GRIP2: variants seen among roughly 807,000 people sequenced by gnomAD.
GRIP2 encodes the protein glutamate receptor interacting protein 2.
Under a neutral mutation model 108.3 loss-of-function variants are expected in GRIP2, and 58 were observed. The observed-to-expected ratio is 0.54, with a 90% confidence interval of 0.43 to 0.67. The LOEUF is 0.67. GRIP2 is among the 30% of genes least tolerant of loss of function. The probability of loss-of-function intolerance (pLI) is 0.00; values close to 1 mark genes in which losing one functional copy is unlikely to be tolerated. For missense variants in GRIP2, 1,278 were observed against 1,430.6 expected (o/e 0.89, Z 1.72); for synonymous variants, 586 against 598.2 (o/e 0.98, Z 0.30).
Position 14,520,547 on chromosome 3 carries a change from C to T in GRIP2, c.713-10G>A, listed in dbSNP as rs117481261. The stretch of plus-strand genomic sequence containing the variant: ...GCATTAGCCACCGTGTCTGGCATGA[C>T]GGAGAAAAAAAGTTTGAAATGCAAA... On this transcript the variant is annotated splice_polypyrimidine_tract_variant and intron_variant, in intron 7 of 23. Transcript: ENST00000621039. 58 of 1,613,352 alleles carry T rather than the reference C, an allele frequency of 3.6e-5. No homozygotes were observed. The highest frequency in any genetic ancestry group is 1.2e-4 in the South Asian group (11 of 91,062).
At position 14,503,759 on chromosome 3, in the gene GRIP2, G is replaced by A. The variant is rs577874807; in HGVS notation, c.2574-88C>T. ...GGAGTCTTCGGGGCCCCAGGGCCCA[G>A]CGTTGGGCTCGAGGGGCCATAGGGT... On this transcript the variant is annotated intron_variant, in intron 20 of 23. Coordinates refer to ENST00000621039, the MANE Select transcript of GRIP2 (RefSeq NM_001080423.4). The A allele has an allele frequency of 5.2e-4, 284 of 551,192 alleles. 1 individual carries two copies. The highest frequency in any genetic ancestry group is 5.1e-3 in the African/African-American group (258 of 50,550). 34.1% of individuals were successfully genotyped at this position (551,192 alleles called of 1,614,324 possible).
At chr3:14,551,236 G>A (rs1240796359) in intron 1 of GRIP2, among the ~76,000 whole-genome samples, 2 of 152,196 alleles carry the variant, frequency 1.3e-5, no homozygotes, top group Admixed American at 6.5e-5. Context: ...ACAACGATCT[G>A]GACAATTAAG....
At chr3:14,581,120 G>T in the GRIP2 span, among the ~76,000 whole-genome samples, 1 of 152,216 alleles carries the variant, frequency 6.6e-6, no homozygotes, top group Admixed American at 6.5e-5. Context: ...GGGCGGATGG[G>T]TGGATGGGTG....
At position 14,493,385 on chromosome 3, in the gene GRIP2, G is replaced by A. The variant is rs1387683434; in HGVS notation, c.*280C>T. The A allele has an allele frequency of 2.3e-6, 1 of 427,006 alleles. No individual in the cohort carries two copies. The highest frequency in any genetic ancestry group is 4.1e-5 in the Admixed American group (1 of 24,364). The allele number at this position is 427,006 out of a possible 1,614,324, so 26.5% of individuals were successfully genotyped here. A position where few individuals can be genotyped will look rare whatever the true frequency, so the allele number is the denominator to read the frequency against. ...CCCAGGCCTCTCTCCTCTCGGCTGAGCAGCCTGTGCCAACCCTTCTTAAGG... is the reference window on the plus strand; with the variant it reads ...CCCAGGCCTCTCTCCTCTCGGCTGAACAGCCTGTGCCAACCCTTCTTAAGG... On this transcript the variant is annotated 3_prime_UTR_variant, in exon 24 of 24. Coordinates refer to ENST00000621039, the MANE Select transcript of GRIP2 (RefSeq NM_001080423.4).
At chr3:14,569,325 G>A in the GRIP2 span, among the ~76,000 whole-genome samples, 4 of 152,226 alleles carry the variant, frequency 2.6e-5, no homozygotes, top group Non-Finnish European at 4.4e-5. Flanking sequence ...AAAGCTTCTG[G>A]TCCAAACTAC....
the GRIP2 span, among the ~76,000 whole-genome samples, chr3:14,584,855 C>T: frequency 1.3e-5 from 2 of 152,336 alleles, no homozygotes; most frequent in East Asian, 1.9e-4. Flanking sequence ...CTCACTGCCT[C>T]GCTGCCTCTG....
chr3:14,553,363 G>A (rs1357515890), intron 1 of GRIP2, among the ~76,000 whole-genome samples: 4 of 151,988 alleles, frequency 2.6e-5, no homozygotes, highest in East Asian at 1.9e-4. Flanking sequence ...CGCCCACCTC[G>A]GTCTCCCAAA....
rs1249668834 is a variant in GRIP2, at chr3:14,494,898, C to T, written c.2915G>A (p.Arg972His). 11 of 1,613,870 alleles carry T rather than the reference C, an allele frequency of 6.8e-6. No individual in the cohort carries two copies. The highest frequency in any genetic ancestry group is 4.0e-5 in the African/African-American group (3 of 75,036). Reference sequence around the variant, plus strand: ...TCCACGGTGGGCTGGCCCATCAGGGCGCACAGTGTGGACATAGACACCTTT... The same window carrying T: ...TCCACGGTGGGCTGGCCCATCAGGGTGCACAGTGTGGACATAGACACCTTT... ...LEKGVYVHTV[R>H]PDGPAHRGGL... The change falls in exon 23 of 24, where the codon CGC becomes CAC. Residue 972 changes from arginine (R) to histidine (H), a missense_variant. Coordinates refer to ENST00000621039, the MANE Select transcript of GRIP2 (RefSeq NM_001080423.4).
the GRIP2 span, among the ~76,000 whole-genome samples, chr3:14,595,859 T>C: frequency 2.0e-5 from 3 of 152,208 alleles, no homozygotes; most frequent in Non-Finnish European, 4.4e-5. Flanking sequence ...CTCGCAAAGG[T>C]TGCTTCCTCC....
intron 21 of GRIP2, among the ~76,000 whole-genome samples, chr3:14,500,898 G>A (rs1178342657): frequency 6.6e-6 from 1 of 152,166 alleles, no homozygotes; most frequent in Non-Finnish European, 1.5e-5. Context: ...AGTTTGGAGA[G>A]AAGTGAAAGA....
chr3:14,494,513 C>T (rs926535774), intron 23 of GRIP2, among the ~76,000 whole-genome samples: 3 of 152,210 alleles, frequency 2.0e-5, no homozygotes, highest in African/African-American at 4.8e-5. Flanking sequence ...AAAAAATCCA[C>T]GTGTGACTTT....
chr3:14,564,917 C>G, the GRIP2 span, among the ~76,000 whole-genome samples: 1 of 152,160 alleles, frequency 6.6e-6, no homozygotes, highest in South Asian at 2.1e-4. Flanking sequence ...CCCTGCTATT[C>G]TAAACACAGA....
Position 14,525,872 on chromosome 3 carries a change from A to ACGCCAGGGAAACGT in GRIP2, c.86_99dup (p.Cys34ThrfsTer23), listed in dbSNP as rs1387594856. 1 of 1,559,744 alleles carries ACGCCAGGGAAACGT rather than the reference A, an allele frequency of 6.4e-7. No homozygotes were observed. The highest frequency in any genetic ancestry group is 8.7e-7 in the Non-Finnish European group (1 of 1,151,768). Reference sequence around the variant, plus strand: ...TTACCTGGAATGCTCTGTCTGCGGCACGCCAGGGAAACGTCGGCCCCTCCT... The same window carrying ACGCCAGGGAAACGT: ...TTACCTGGAATGCTCTGTCTGCGGCACGCCAGGGAAACGTCGCCAGGGAAACGTCGGCCCCTCCT... On this transcript the variant is annotated frameshift_variant, in exon 2 of 24. Coordinates refer to ENST00000621039, the MANE Select transcript of GRIP2 (RefSeq NM_001080423.4). LOFTEE classifies it high-confidence loss of function.
chr3:14,574,214 G>C, the GRIP2 span: 2 of 867,532 alleles, frequency 2.3e-6, no homozygotes. Flanking sequence ...AGGGCCTGTG[G>C]CTGTCCATGT....
Position 14,494,852 on chromosome 3 carries a change from C to T in GRIP2, c.2961G>A (p.Arg987=). ...CCTGCCCCAGCATTACCTGCAGGAC[C>T]CTGTCGAAGGGCTGGAGGCCTCCAC... The part of the protein sequence containing the change: ...AHRGGLQPFD[R]VLQVNHVRTR... Residue 987 remains arginine (R), a synonymous_variant, in exon 23 of 24, where the codon AGG becomes AGA. Transcript: ENST00000621039. 6.2e-7 allele frequency: 1 copy of T among 1,612,926 alleles called. No homozygotes were observed. Among genetic ancestry groups the T allele is most frequent in the Non-Finnish European group, 8.5e-7 (1 of 1,179,232 alleles).
the GRIP2 span, among the ~76,000 whole-genome samples, chr3:14,591,752 T>G: frequency 6.6e-6 from 1 of 152,212 alleles, no homozygotes; most frequent in African/African-American, 2.4e-5. Context: ...TATCTCCCAG[T>G]GCCAGGCACC....
At chr3:14,536,127 A>G (rs1694828428) in intron 1 of GRIP2, among the ~76,000 whole-genome samples, 1 of 152,230 alleles carries the variant, frequency 6.6e-6, no homozygotes. Flanking sequence ...TTGAAGCCTC[A>G]TTCATTTGTT....
rs1694474160 is a variant in GRIP2, at chr3:14,523,665, G to A, written c.437C>T (p.Thr146Ile). Residue 146 changes from threonine to isoleucine, a missense_variant, in exon 5 of 24, where the codon ACA becomes ATA. Physicochemically the swap from Thr to Ile is moderately conservative, Grantham distance 89. Coordinates refer to ENST00000621039, the MANE Select transcript of GRIP2 (RefSeq NM_001080423.4). ...CTCCTTGTAGAGGGAGACGTCCACT[G>A]TCTTTGAAATGATCCTGGGGTTATT... is the stretch of plus-strand genomic sequence containing the variant. ...PENNPRIISK[T>I]VDVSLYKEGN... 3 of 1,612,168 alleles carry A rather than the reference G, an allele frequency of 1.9e-6. No individual in the cohort carries two copies. The highest frequency in any genetic ancestry group is 2.5e-6 in the Non-Finnish European group (3 of 1,179,182).
intron 1 of GRIP2, among the ~76,000 whole-genome samples, chr3:14,553,273 A>C (rs552526476): frequency 5.7e-4 from 87 of 151,772 alleles, no homozygotes; most frequent in African/African-American, 2.0e-3. Context: ...ACGTTCAGCT[A>C]ATTTTTGTAT....
Sources: allele counts gnomAD v4.1 joint callset (sites outside exome capture counted in the v4.1 genomes callset), GRCh38; gene constraint gnomAD v4.1.1; transcripts MANE v1.5; gene names NCBI Gene and HGNC (gene_info 2026-07-23, HGNC 2026-07-21).